DIP2A: variants seen among roughly 807,000 people sequenced by gnomAD.
DIP2A encodes disco-interacting protein 2 homolog A.
DIP2A carries 85 observed loss-of-function variants against 177.4 expected under a neutral mutation model. The ratio of observed to expected loss-of-function variants is 0.48; its 90% confidence interval spans 0.40 to 0.57. The LOEUF (loss-of-function observed/expected upper bound fraction) is 0.57. Ranked by LOEUF, DIP2A falls within the 20% of genes least tolerant of loss-of-function variation. The pLI is 0.00. For missense variants in DIP2A, 1,791 were observed against 2,100.2 expected (o/e 0.85, Z 2.88); for synonymous variants, 886 against 881.8 (o/e 1.00, Z -0.08).
rs918300019 is a variant in DIP2A, at chr21:46,498,700, G to A, written c.522G>A (p.Ser174=). The A allele has an allele frequency of 1.5e-5, 24 of 1,613,642 alleles. No individual in the cohort carries two copies. The Admixed American group carries it at 2.3e-4, about 16-fold the overall frequency. The part of the protein sequence containing the change: ...EPWLDRVIQG[S]STSSSASSTS... The stretch of plus-strand genomic sequence containing the variant: ...GGCTCGACCGGGTCATTCAGGGCTC[G>A]TCCACCTCATCCTCTGCATCCTCCA... Residue 174 remains serine, a synonymous_variant, in exon 5 of 38, where the codon TCG becomes TCA. Transcript: ENST00000417564. The surrounding 1 kb of genome is among the most constrained non-coding windows in gnomAD (Gnocchi z 4.3).
intron 1 of DIP2A, among the ~76,000 whole-genome samples, chr21:46,470,275 G>C (rs948036145): frequency 3.9e-5 from 6 of 152,142 alleles, no homozygotes; most frequent in Non-Finnish European, 7.3e-5. Context: ...GGGAGTTCGA[G>C]ACCAGCCTGA....
At chr21:46,516,353 C>T (rs997593634) in intron 8 of DIP2A, among the ~76,000 whole-genome samples, 1 of 151,924 alleles carries the variant, frequency 6.6e-6, no homozygotes, top group African/African-American at 2.4e-5. Flanking sequence ...ACTCCAGTTA[C>T]ACTTATACTT....
chr21:46,576,040 G>A, the DIP2A span, among the ~76,000 whole-genome samples: 1 of 152,168 alleles, frequency 6.6e-6, no homozygotes, highest in Non-Finnish European at 1.5e-5. Context: ...GACATTCTTA[G>A]ATAAGCAAAT....
At chr21:46,550,032 A>G in intron 22 of DIP2A, 147 bp downstream of exon 22, 7 of 1,476,290 alleles carry the variant, frequency 4.7e-6, no homozygotes, top group Non-Finnish European at 6.3e-6. Context: ...CAAATTGACA[A>G]ATTACAGCTG....
intron 2 of DIP2A, among the ~76,000 whole-genome samples, chr21:46,486,322 A>C (rs2056693572): frequency 1.3e-5 from 2 of 152,134 alleles, no homozygotes. Flanking sequence ...CTCTCACTTC[A>C]GCCTCCTGAG....
chr21:46,460,065 A>G (rs939814388), intron 1 of DIP2A, among the ~76,000 whole-genome samples: 9 of 152,186 alleles, frequency 5.9e-5, no homozygotes, highest in African/African-American at 2.2e-4. Flanking sequence ...CCTGTGCCTC[A>G]TTTTATTATC....
chr21:46,462,619 A>G (rs1344660145), intron 1 of DIP2A: 2 of 152,218 alleles, frequency 1.3e-5, no homozygotes, highest in South Asian at 2.1e-4. Flanking sequence ...TAATTTTTAT[A>G]TATTGTCAAA....
chr21:46,539,498 G>T, intron 16 of DIP2A: 1 of 326,576 alleles, frequency 3.1e-6, no homozygotes, highest in South Asian at 2.5e-5. Context: ...CCGCCACTCC[G>T]TGGTCCCCAT....
chr21:46,567,555 G>T lies in DIP2A; in HGVS notation c.4649G>T (p.Arg1550Leu). The change falls in exon 38 of 38, where the codon CGC (arginine) becomes CTC (leucine). Residue 1550 changes from arginine to leucine, a missense_variant. Coordinates refer to ENST00000417564, the MANE Select transcript of DIP2A (RefSeq NM_015151.4). ...ATCAACTCTCGGGGTGAGAAGCAGC[G>T]CATGCACCTGCGGGACGGCTTCCTG... is the stretch of plus-strand genomic sequence containing the variant. The part of the protein sequence containing the change: ...IPINSRGEKQ[R>L]MHLRDGFLAD... The T allele has an allele frequency of 6.2e-7, 1 of 1,613,658 alleles. No individual in the cohort carries two copies. The highest frequency in any genetic ancestry group is 8.5e-7 in the Non-Finnish European group (1 of 1,179,698).
intron 9 of DIP2A, among the ~76,000 whole-genome samples, chr21:46,530,736 A>C (rs1406575914): frequency 6.6e-6 from 1 of 152,206 alleles, no homozygotes; most frequent in East Asian, 1.9e-4. Context: ...GAGTGTAAAC[A>C]TTCAAGGATG....
intron 7 of DIP2A, among the ~76,000 whole-genome samples, chr21:46,511,101 G>C (rs1378835094): frequency 6.6e-6 from 1 of 152,116 alleles, no homozygotes; most frequent in Non-Finnish European, 1.5e-5. Flanking sequence ...GCCGGGGGTA[G>C]CAGAGGTGCC....
intron 1 of DIP2A, among the ~76,000 whole-genome samples, chr21:46,459,456 G>A (rs1177794238): frequency 9.0e-6 from 1 of 111,620 alleles, no homozygotes; most frequent in African/African-American, 3.5e-5. Context: ...CTAGGACCCC[G>A]CCCCTCATGT....
intron 21 of DIP2A, among the ~76,000 whole-genome samples, chr21:46,547,453 C>T (rs1569087565): frequency 6.6e-6 from 1 of 152,166 alleles, no homozygotes; most frequent in Non-Finnish European, 1.5e-5. Context: ...ATCAACTCAA[C>T]TTTTCTACAT....
chr21:46,478,948 G>A (rs1177517831), intron 1 of DIP2A, among the ~76,000 whole-genome samples: 1 of 152,110 alleles, frequency 6.6e-6, no homozygotes, highest in African/African-American at 2.4e-5. Flanking sequence ...TGACCACAAA[G>A]GGCTTACTTT....
chr21:46,550,297 T>C (rs1490871989), intron 22 of DIP2A, among the ~76,000 whole-genome samples: 1 of 152,194 alleles, frequency 6.6e-6, no homozygotes, highest in Non-Finnish European at 1.5e-5. Context: ...TCCCTCAGCC[T>C]CTGATCACAG....
chr21:46,544,514 A>G (rs1317476700), intron 18 of DIP2A, among the ~76,000 whole-genome samples: 4 of 152,206 alleles, frequency 2.6e-5, no homozygotes, highest in South Asian at 2.1e-4. Context: ...GAATGTGCAC[A>G]TGGCTGAGGG....
intron 8 of DIP2A, among the ~76,000 whole-genome samples, chr21:46,524,546 G>A (rs999446327): frequency 6.6e-6 from 1 of 152,122 alleles, no homozygotes; most frequent in African/African-American, 2.4e-5. Context: ...TCCCAGAAAG[G>A]GATCCTATTC....
intron 1 of DIP2A, among the ~76,000 whole-genome samples, chr21:46,464,408 G>A (rs1219215542): frequency 1.3e-5 from 2 of 152,024 alleles, no homozygotes; most frequent in South Asian, 2.1e-4. Flanking sequence ...AAAGAAAAAC[G>A]TTCTCATGTT....
chr21:46,567,296 C>A (rs919823654), intron 37 of DIP2A, 74 bp from the exon 38 acceptor site: 1 of 1,544,016 alleles, frequency 6.5e-7, no homozygotes, highest in African/African-American at 1.4e-5. Context: ...TTTGTGCCAC[C>A]CTTTCCCAAG....
Sources: allele counts gnomAD v4.1 joint callset (sites outside exome capture counted in the v4.1 genomes callset), GRCh38; gene constraint gnomAD v4.1.1; non-coding constraint Gnocchi (gnomAD v3.1); transcripts MANE v1.5; gene names NCBI Gene and HGNC (gene_info 2026-07-23, HGNC 2026-07-21).